ARHGAP10: variants seen among roughly 807,000 people sequenced by gnomAD.
ARHGAP10 encodes the protein rho GTPase-activating protein 10.
Under a neutral mutation model 108.6 loss-of-function variants are expected in ARHGAP10, and 87 were observed. The observed-to-expected ratio is 0.80, with a 90% CI of 0.67 to 0.96. ARHGAP10 has a LOEUF of 0.96. Among genes scored for constraint, ARHGAP10 ranks in the 40% least tolerant of loss-of-function variants. The pLI, the probability that ARHGAP10 is intolerant of heterozygous loss-of-function variation, is 0.00. For missense variants in ARHGAP10, 939 were observed against 954.5 expected, an observed-to-expected ratio of 0.98 and a Z score of 0.21; for synonymous variants, 347 against 341.1, an observed-to-expected ratio of 1.02 and a Z score of -0.19.
intron 18 of ARHGAP10, among the ~76,000 whole-genome samples, chr4:147,968,667 T>C (rs538806652): frequency 8.5e-5 from 13 of 152,368 alleles, no homozygotes; most frequent in Admixed American, 6.5e-4. Flanking sequence ...TCAAGAACTT[T>C]TAGATTTTTT....
intron 1 of ARHGAP10, among the ~76,000 whole-genome samples, chr4:147,798,781 C>CTCTCTATATATATA (rs1731452503): frequency 1.4e-4 from 1 of 7,230 alleles, no homozygotes; most frequent in African/African-American, 2.3e-4. Flanking sequence ...CTCTCTCTCT[C>CTCTCTATATATATA]TATATATATA....
At chr4:148,007,905 G>A (rs1741014603) in intron 18 of ARHGAP10, among the ~76,000 whole-genome samples, 1 of 152,086 alleles carries the variant, frequency 6.6e-6, no homozygotes, top group African/African-American at 2.4e-5. Context: ...AGTCTTCGGA[G>A]ACACTTCCGT....
At chr4:147,996,419 T>C (rs1207932495) in intron 18 of ARHGAP10, among the ~76,000 whole-genome samples, 1 of 152,216 alleles carries the variant, frequency 6.6e-6, no homozygotes, top group Non-Finnish European at 1.5e-5. Context: ...TGTCTTAACA[T>C]GACCATCTCA....
intron 18 of ARHGAP10, among the ~76,000 whole-genome samples, chr4:147,987,198 G>A (rs866534295): frequency 7.9e-5 from 12 of 152,304 alleles, no homozygotes; most frequent in African/African-American, 2.9e-4. Flanking sequence ...TTGAGAATAA[G>A]CTACATGCTT....
At chr4:148,012,660 A>T (rs534936037) in intron 18 of ARHGAP10, among the ~76,000 whole-genome samples, 2 of 152,308 alleles carry the variant, frequency 1.3e-5, no homozygotes, top group South Asian at 2.1e-4. Context: ...GTCTTAATAG[A>T]TATATTAAGT....
chr4:147,790,870 C>A (rs1731088422), intron 1 of ARHGAP10, among the ~76,000 whole-genome samples: 1 of 152,070 alleles, frequency 6.6e-6, no homozygotes, highest in Non-Finnish European at 1.5e-5. Context: ...GGAAACAAGT[C>A]AAAATATTTT....
rs559098732 is a variant in ARHGAP10, at chr4:147,942,591, T to C, written c.1303+2692T>C. 3.9e-5 allele frequency among the ~76,000 whole-genome samples: 6 copies of C among 152,334 alleles called. No homozygotes were observed. In the South Asian group the frequency reaches 6.2e-4, roughly 16 times the overall value. Reference sequence around the variant, plus strand: ...CCACTATCCTTCTCTCCGTCCTCCTTCTCCTGCCCCTTTGTTCCCTCCTTA... The same window carrying C: ...CCACTATCCTTCTCTCCGTCCTCCTCCTCCTGCCCCTTTGTTCCCTCCTTA... On this transcript the variant is annotated intron_variant, in intron 14 of 22. Transcript: ENST00000336498.
chr4:147,942,789 T>A (rs1738208708), intron 14 of ARHGAP10, among the ~76,000 whole-genome samples: 1 of 152,224 alleles, frequency 6.6e-6, no homozygotes. Flanking sequence ...AGGGTATTCT[T>A]AGTTGTCTTC....
At chr4:148,054,165 A>G (rs375154767) in intron 20 of ARHGAP10, among the ~76,000 whole-genome samples, 9 of 152,350 alleles carry the variant, frequency 5.9e-5, no homozygotes, top group Admixed American at 6.5e-5. Context: ...TATCTAAATA[A>G]AGTAAGGACC....
At chr4:147,864,813 C>G in intron 5 of ARHGAP10, 33 bp from the exon 6 acceptor site, 1 of 1,591,174 alleles carries the variant, frequency 6.3e-7, no homozygotes, top group Non-Finnish European at 8.6e-7. Flanking sequence ...TTCACCATCT[C>G]CAGTTTGACT....
At chr4:148,039,548 C>T (rs778857311) in intron 19 of ARHGAP10, among the ~76,000 whole-genome samples, 2 of 151,692 alleles carry the variant, frequency 1.3e-5, no homozygotes, top group Non-Finnish European at 2.9e-5. Flanking sequence ...GATCTGCCCA[C>T]CTCTACCTCC....
intron 1 of ARHGAP10, among the ~76,000 whole-genome samples, chr4:147,759,735 G>T (rs1173011700): frequency 6.6e-6 from 1 of 152,056 alleles, no homozygotes; most frequent in Admixed American, 6.6e-5. Flanking sequence ...GGACTTCACT[G>T]TGTATTTAAT....
At chr4:147,987,817 G>A (rs1046440285) in intron 18 of ARHGAP10, among the ~76,000 whole-genome samples, 8 of 152,214 alleles carry the variant, frequency 5.3e-5, no homozygotes, top group African/African-American at 1.9e-4. Context: ...GAGAAGAGGA[G>A]TGGGAGAGAA....
chr4:147,915,945 A>AT (rs202110380), intron 13 of ARHGAP10, among the ~76,000 whole-genome samples: 9 of 152,082 alleles, frequency 5.9e-5, no homozygotes, highest in African/African-American at 1.9e-4. Flanking sequence ...CTGTATAAAA[A>AT]TTTTTTTAAA....
chr4:147,828,880 G>GT (rs11381308), intron 3 of ARHGAP10, among the ~76,000 whole-genome samples: 129,293 of 145,236 alleles, frequency 0.89, 58,524 homozygotes, highest in Non-Finnish European at 0.98. Context: ...AGTCAAGATA[G>GT]TTTTTTTTTT....
chr4:147,798,389 T>C (rs892369522), intron 1 of ARHGAP10, among the ~76,000 whole-genome samples: 2 of 152,212 alleles, frequency 1.3e-5, no homozygotes, highest in Admixed American at 6.5e-5. Flanking sequence ...GGTCATCTTA[T>C]AGACAATTTT....
chr4:147,840,913 G>A (rs1733387154), intron 3 of ARHGAP10, among the ~76,000 whole-genome samples: 1 of 152,214 alleles, frequency 6.6e-6, no homozygotes, highest in Non-Finnish European at 1.5e-5. Flanking sequence ...AAGCGTAAGA[G>A]CATTGTTTTG....
intron 16 of ARHGAP10, among the ~76,000 whole-genome samples, chr4:147,964,436 C>T (rs1195636412): frequency 6.6e-6 from 1 of 152,196 alleles, no homozygotes; most frequent in Non-Finnish European, 1.5e-5. Flanking sequence ...GCACAACATG[C>T]CATGCCTTCT....
intron 10 of ARHGAP10, among the ~76,000 whole-genome samples, chr4:147,896,729 TG>T (rs1349864489): frequency 6.6e-6 from 1 of 152,150 alleles, no homozygotes; most frequent in Admixed American, 6.5e-5. Context: ...TTTTACACCT[TG>T]TTTTTGAGAT....
Sources: allele counts gnomAD v4.1 joint callset (sites outside exome capture counted in the v4.1 genomes callset), GRCh38; gene constraint gnomAD v4.1.1; transcripts MANE v1.5; gene names NCBI Gene and HGNC (gene_info 2026-07-23, HGNC 2026-07-21).